GRID2: variants seen among roughly 807,000 people sequenced by gnomAD.
GRID2 encodes glutamate receptor ionotropic, delta-2.
Under a neutral mutation model 114.8 loss-of-function variants are expected in GRID2, and 33 were observed. The observed-to-expected ratio is 0.29, with a 90% CI of 0.22 to 0.38. The LOEUF is 0.38. Ranked by LOEUF, GRID2 falls within the 10% of genes least tolerant of loss-of-function variation. The pLI is 1.00. For synonymous variants in GRID2, 505 were observed against 449.9 expected, an observed-to-expected ratio of 1.12 and a Z score of -1.55; for missense variants, 1,184 against 1,257.7, an observed-to-expected ratio of 0.94 and a Z score of 0.89.
intron 4 of GRID2, among the ~76,000 whole-genome samples, chr4:93,172,736 A>C (rs1227985728): frequency 6.6e-6 from 1 of 152,230 alleles, no homozygotes; most frequent in Non-Finnish European, 1.5e-5. Context: ...ATATTGCAGA[A>C]AGCATACTGC....
chr4:93,597,285 T>G (rs1220972451), intron 13 of GRID2, among the ~76,000 whole-genome samples: 2 of 152,194 alleles, frequency 1.3e-5, no homozygotes, highest in Non-Finnish European at 2.9e-5. Context: ...TAGTAACTAT[T>G]TTATATATTT....
intron 12 of GRID2, among the ~76,000 whole-genome samples, chr4:93,493,824 A>G (rs757859763): frequency 6.6e-6 from 1 of 151,796 alleles, no homozygotes; most frequent in African/African-American, 2.4e-5. Context: ...TGCCCAAAGT[A>G]ACTTTGCATT....
intron 2 of GRID2, among the ~76,000 whole-genome samples, chr4:92,727,040 T>C (rs1299151416): frequency 6.6e-6 from 1 of 152,088 alleles, no homozygotes; most frequent in Admixed American, 6.6e-5. Context: ...AAATCTCAAA[T>C]AACATTCTCA....
chr4:92,776,888 T>A (rs1738829393), intron 2 of GRID2, among the ~76,000 whole-genome samples: 1 of 152,066 alleles, frequency 6.6e-6, no homozygotes, highest in South Asian at 2.1e-4. Flanking sequence ...CTTTTTCTGA[T>A]CCCTGGAGAA....
At chr4:93,371,656 A>G (rs1057503023) in intron 8 of GRID2, among the ~76,000 whole-genome samples, 5 of 150,180 alleles carry the variant, frequency 3.3e-5, no homozygotes, top group Non-Finnish European at 3.0e-5. Flanking sequence ...TAAATTATAT[A>G]TTTTTAAGAG....
chr4:92,507,476 C>G (rs775189699), intron 1 of GRID2, among the ~76,000 whole-genome samples: 1 of 151,304 alleles, frequency 6.6e-6, no homozygotes, highest in Non-Finnish European at 1.5e-5. Flanking sequence ...TTACTTGGTC[C>G]TCAATATAAA....
chr4:92,905,218 CTAAT>C lies in GRID2; in HGVS notation c.245-179773_245-179770del, dbSNP rs372110556. ...TGGATTACTGAAAGTTAGTGCCACT[CTAAT>C]TAAAAATTTGATTCATCCCACCCAA... is the stretch of plus-strand genomic sequence containing the variant. On this transcript the variant is annotated intron_variant, in intron 2 of 15. Transcript: ENST00000282020. Among the ~76,000 whole-genome samples the C allele has an allele frequency of 5.1e-3, 782 of 151,848 alleles. 7 individuals are homozygous for C. Among genetic ancestry groups the C allele is most frequent in the African/African-American group, 0.018 (747 of 41,422 alleles).
At chr4:93,147,724 G>T (rs1448708737) in intron 4 of GRID2, among the ~76,000 whole-genome samples, 1 of 152,022 alleles carries the variant, frequency 6.6e-6, no homozygotes, top group Non-Finnish European at 1.5e-5. Context: ...TTCTCTATAG[G>T]ATCTTATTTC....
intron 2 of GRID2, among the ~76,000 whole-genome samples, chr4:92,704,143 C>T (rs935243872): frequency 5.3e-5 from 8 of 152,008 alleles, no homozygotes; most frequent in Admixed American, 4.6e-4. Flanking sequence ...CTGGGCGTCG[C>T]GGCGGGCGCC....
chr4:93,090,359 C>T (rs769897960), intron 3 of GRID2, among the ~76,000 whole-genome samples: 41 of 152,210 alleles, frequency 2.7e-4, no homozygotes, highest in African/African-American at 5.5e-4. Flanking sequence ...TTCCACTTGG[C>T]GAGAAGCATT....
intron 2 of GRID2, among the ~76,000 whole-genome samples, chr4:92,864,549 T>G (rs1372644581): frequency 6.6e-6 from 1 of 152,128 alleles, no homozygotes; most frequent in African/African-American, 2.4e-5. Context: ...GACTTTGCAG[T>G]CACAAGCAAA....
At chr4:93,309,083 A>G (rs1755737219) in intron 8 of GRID2, among the ~76,000 whole-genome samples, 1 of 152,180 alleles carries the variant, frequency 6.6e-6, no homozygotes, top group African/African-American at 2.4e-5. Context: ...CAGTAAGTGT[A>G]TATAATACAT....
At chr4:93,421,440 C>T (rs1333479845) in intron 9 of GRID2, among the ~76,000 whole-genome samples, 3 of 152,110 alleles carry the variant, frequency 2.0e-5, no homozygotes, top group Admixed American at 2.0e-4. Context: ...AACATATAAA[C>T]AGTGAAACTA....
intron 8 of GRID2, among the ~76,000 whole-genome samples, chr4:93,360,761 A>G: frequency 6.6e-6 from 1 of 151,774 alleles, no homozygotes; most frequent in Non-Finnish European, 1.5e-5. Context: ...ATTCAATTAT[A>G]TTATTTATGA....
At chr4:92,371,088 C>T (rs2110218404) in intron 1 of GRID2, among the ~76,000 whole-genome samples, 1 of 152,140 alleles carries the variant, frequency 6.6e-6, no homozygotes, top group South Asian at 2.1e-4. Context: ...TCTCTGAAGT[C>T]TGAGAGAGAT....
intron 1 of GRID2, among the ~76,000 whole-genome samples, chr4:92,339,118 G>A (rs897810722): frequency 2.0e-5 from 3 of 151,992 alleles, no homozygotes; most frequent in Non-Finnish European, 2.9e-5. Flanking sequence ...ATAATTTTAG[G>A]TGAACCATTA....
chr4:93,010,335 A>C (rs1203302494), intron 2 of GRID2, among the ~76,000 whole-genome samples: 1 of 152,056 alleles, frequency 6.6e-6, no homozygotes, highest in Non-Finnish European at 1.5e-5. Context: ...ATATATATGC[A>C]TATGTGTATG....
intron 2 of GRID2, among the ~76,000 whole-genome samples, chr4:92,852,342 G>C (rs1743877611): frequency 6.6e-6 from 1 of 151,408 alleles, no homozygotes; most frequent in Non-Finnish European, 1.5e-5. Flanking sequence ...TTCCCTTTCT[G>C]CCTCTTCCAG....
intron 1 of GRID2, among the ~76,000 whole-genome samples, chr4:92,345,405 GCTGCTATAAACGTGTGTGCAT>G (rs1438764210): frequency 3.9e-5 from 6 of 152,202 alleles, no homozygotes; most frequent in Non-Finnish European, 8.8e-5. Context: ...TGCAAATTGT[GCTGCTATAAACGTGTGTGCAT>G]CTGTCTTTTT....
Sources: allele counts gnomAD v4.1 joint callset (sites outside exome capture counted in the v4.1 genomes callset), GRCh38; gene constraint gnomAD v4.1.1; transcripts MANE v1.5; gene names NCBI Gene and HGNC (gene_info 2026-07-23, HGNC 2026-07-21).